The following KIF5A variants were observed in gnomAD, a reference collection of about 807,000 sequenced individuals.
KIF5A encodes kinesin family member 5A, also known as kinesin heavy chain isoform 5A.
In KIF5A, 35 loss-of-function variants were observed where a neutral mutation model predicts 141.3. That is an observed-to-expected ratio of 0.25 (90% CI 0.19 to 0.33). The LOEUF (loss-of-function observed/expected upper bound fraction) is 0.33. Among genes scored for constraint, KIF5A ranks in the 10% least tolerant of loss-of-function variants. KIF5A has a pLI of 1.00. For synonymous variants in KIF5A, 448 were observed against 500.2 expected, an observed-to-expected ratio of 0.90 and a Z score of 1.39; for missense variants, 861 against 1,314.3, an observed-to-expected ratio of 0.66 and a Z score of 5.33.
At chr12:57,578,722 G>A (rs950572600) in intron 23 of KIF5A, among the ~76,000 whole-genome samples, 2 of 152,172 alleles carry the variant, frequency 1.3e-5, no homozygotes, top group East Asian at 3.9e-4. Context: ...TTCTTTCGTG[G>A]AGAGAACTCC....
chr12:57,557,124 A>T (rs1396288967), intron 1 of KIF5A, among the ~76,000 whole-genome samples: 1 of 152,216 alleles, frequency 6.6e-6, no homozygotes, highest in Non-Finnish European at 1.5e-5. Context: ...CGCCTAATAT[A>T]ATACAACTAT....
At chr12:57,557,488 A>G (rs1036795335) in intron 1 of KIF5A, among the ~76,000 whole-genome samples, 1 of 152,134 alleles carries the variant, frequency 6.6e-6, no homozygotes, top group Non-Finnish European at 1.5e-5. Flanking sequence ...GAAGAAGCTA[A>G]AAATCACCCA....
At chr12:57,553,291 A>G (rs1754464424) in intron 1 of KIF5A, among the ~76,000 whole-genome samples, 1 of 152,078 alleles carries the variant, frequency 6.6e-6, no homozygotes, top group African/African-American at 2.4e-5. Flanking sequence ...CCTTCATTCA[A>G]GTGTACACAG....
At position 57,574,359 on chromosome 12, in the gene KIF5A, G is replaced by A. The variant is rs538465455; in HGVS notation, c.1717-725G>A. Among the ~76,000 whole-genome samples, 367 of 149,028 alleles carry A rather than the reference G, an allele frequency of 2.5e-3. 2 individuals carry two copies. The highest frequency in any genetic ancestry group is 7.4e-3 in the African/African-American group (301 of 40,430). ...GTGATCTCAGCTCACTGCAACCTCC[G>A]CCTCCCAGGTTCAAGCAATTCTTCT... On this transcript the variant is annotated intron_variant, in intron 15 of 28. Coordinates refer to ENST00000455537, the MANE Select transcript of KIF5A (RefSeq NM_004984.4).
At chr12:57,556,509 C>A (rs1367644440) in intron 1 of KIF5A, among the ~76,000 whole-genome samples, 2 of 152,000 alleles carry the variant, frequency 1.3e-5, no homozygotes, top group East Asian at 1.9e-4. Flanking sequence ...TTTCTTTCTT[C>A]CCAGCCTAGA....
In KIF5A at chr12:57,564,581, A is replaced by G. The variant is rs75527218; in HGVS notation, c.445+73A>G. ...AAAGAAAGCTCACATTGCATTTGGA[A>G]TTAGGTACCAATTGACAAGAGATGC... On this transcript the variant is annotated intron_variant, in intron 5 of 28. Transcript: ENST00000455537. The G allele has an allele frequency of 6.8e-3, 8,181 of 1,200,718 alleles. 236 individuals are homozygous for G. The African/African-American group carries it at 0.081, about 12-fold the overall frequency. 74.4% of individuals were successfully genotyped at this position (1,200,718 alleles called of 1,614,324 possible). A position where few individuals can be genotyped will look rare whatever the true frequency, so the allele number is the denominator to read the frequency against.
At chr12:57,576,027 G>C (rs1465227205) in intron 17 of KIF5A, 60 bp from the exon 18 acceptor site, 2 of 1,530,856 alleles carry the variant, frequency 1.3e-6, no homozygotes, top group Admixed American at 3.3e-5. Context: ...TGGTCACAAC[G>C]TGAAGTTCTT....
At chr12:57,567,044 AAAT>A (rs1209536489) in intron 6 of KIF5A, 79 bp from the exon 7 acceptor site, 34 of 728,488 alleles carry the variant, frequency 4.7e-5, no homozygotes, top group Middle Eastern at 4.9e-4. Flanking sequence ...TCTCAAAAGA[AAAT>A]AATAATAATA....
Position 57,584,941 on chromosome 12 carries a change from T to A in KIF5A, c.*760T>A, listed in dbSNP as rs1040482610. 3.9e-5 allele frequency: 6 copies of A among 152,160 alleles called. No homozygotes were observed. The highest frequency in any genetic ancestry group is 5.9e-5 in the Non-Finnish European group (4 of 68,050). 9.4% of individuals were successfully genotyped at this position (152,160 alleles called of 1,614,324 possible). Reference sequence around the variant, plus strand: ...TTGATATTCCCTGCCCCAGAGCTCATGACCAGAACCCAGAGCTGATTTAAA... The same window carrying A: ...TTGATATTCCCTGCCCCAGAGCTCAAGACCAGAACCCAGAGCTGATTTAAA... On this transcript the variant is annotated 3_prime_UTR_variant, in exon 29 of 29. Transcript: ENST00000455537.
In KIF5A at chr12:57,581,910, G is replaced by A. The variant is rs1328438334; in HGVS notation, c.2950G>A (p.Gly984Ser). 3.7e-6 allele frequency: 6 copies of A among 1,614,124 alleles called. No individual in the cohort carries two copies. In the South Asian group the frequency reaches 6.6e-5, roughly 18 times the overall value. The change falls in exon 26 of 29, where the codon GGC becomes AGC. Residue 984 changes from glycine to serine, a missense_variant. Transcript: ENST00000455537. ...TACCAGCAGTGGAGCCACATCTTCT[G>A]GCGGCCCCTTGGCTTCCTACCAGAA... ...SCTSSGATSS[G>S]GPLASYQKAN...
intron 12 of KIF5A, among the ~76,000 whole-genome samples, 193 bp from the exon 13 acceptor site, chr12:57,571,128 G>A (rs1490151056): frequency 2.0e-5 from 3 of 152,082 alleles, no homozygotes; most frequent in African/African-American, 7.2e-5. Flanking sequence ...TAGAGACAGG[G>A]TCTCACTATG....
intron 1 of KIF5A, among the ~76,000 whole-genome samples, chr12:57,558,968 G>C (rs539983657): frequency 6.6e-6 from 1 of 152,162 alleles, no homozygotes; most frequent in East Asian, 1.9e-4. Flanking sequence ...TGTAGAGACA[G>C]GGTCTCCCTA....
chr12:57,563,300 C>T (rs534818189), intron 1 of KIF5A, 139 bp from the exon 2 acceptor site: 35 of 725,206 alleles, frequency 4.8e-5, no homozygotes, highest in South Asian at 4.0e-4. Context: ...CCACCACGCC[C>T]GGCCATTCTC....
Position 57,585,222 on chromosome 12 carries a change from C to T in KIF5A, c.*1041C>T, listed in dbSNP as rs1046654471. 1.3e-5 allele frequency: 2 copies of T among 154,342 alleles called. No individual in the cohort carries two copies. Among genetic ancestry groups the T allele is most frequent in the African/African-American group, 4.8e-5 (2 of 41,512 alleles). 9.6% of individuals were successfully genotyped at this position (154,342 alleles called of 1,614,324 possible). ...TCTCCACCCCTTGGTTTGGGGGCTT[C>T]CAGCTCATTGGCAAAATCTCTCTAG... is the stretch of plus-strand genomic sequence containing the variant. On this transcript the variant is annotated 3_prime_UTR_variant, in exon 29 of 29. Coordinates refer to ENST00000455537, the MANE Select transcript of KIF5A (RefSeq NM_004984.4).
intron 21 of KIF5A, 116 bp from the exon 22 acceptor site, chr12:57,577,893 T>C (rs1882475715): frequency 7.9e-7 from 1 of 1,261,358 alleles, no homozygotes; most frequent in Admixed American, 1.7e-5. Context: ...AAGACACATT[T>C]TTTCCTAAAG....
rs761988608 is a variant in KIF5A, at chr12:57,572,538, C to A, written c.1570-42C>A. On this transcript the variant is annotated intron_variant, in intron 14 of 28. Transcript: ENST00000455537. The surrounding 1 kb of genome is among the most constrained non-coding windows in gnomAD (Gnocchi z 4.2). ...CCTCTGCCTGGGCTGGGCAAGGGAG[C>A]AGGAGGATGGCAACAGGAATGACCT... The A allele has an allele frequency of 4.3e-6, 7 of 1,613,550 alleles. No individual in the cohort carries two copies. The Admixed American group carries it at 1.2e-4, about 27-fold the overall frequency.
chr12:57,571,185 A>G (rs569140427), intron 12 of KIF5A, 136 bp from the exon 13 acceptor site: 51 of 695,244 alleles, frequency 7.3e-5, no homozygotes, highest in Non-Finnish European at 1.3e-4. Context: ...ATCTTCCTGT[A>G]GGATATGGGG....
chr12:57,565,066 TG>T, intron 6 of KIF5A, 93 bp downstream of exon 6: 1 of 1,119,322 alleles, frequency 8.9e-7, no homozygotes, highest in Non-Finnish European at 1.4e-6. Context: ...AGTTGGAGGG[TG>T]GATATCCTGG....
chr12:57,578,111 C>T, intron 22 of KIF5A, 31 bp downstream of exon 22: 1 of 1,596,610 alleles, frequency 6.3e-7, no homozygotes, highest in Non-Finnish European at 8.6e-7. Context: ...TTTGTCAGCC[C>T]CCACATCCTC....
Sources: gnomAD v4.1 joint callset for allele counts (sites outside exome capture counted in the v4.1 genomes callset) on GRCh38, gnomAD v4.1.1 for gene constraint, Gnocchi (gnomAD v3.1) non-coding constraint, MANE v1.5 for transcripts, NCBI Gene and HGNC (gene_info 2026-07-23, HGNC 2026-07-21) for gene names.